The following ADH4 variants were observed in gnomAD, a reference collection of about 807,000 sequenced individuals.
ADH4 encodes all-trans-retinol dehydrogenase [NAD(+)] ADH4.
In ADH4, 31 loss-of-function variants were observed where a neutral mutation model predicts 35.2. The observed-to-expected ratio is 0.88, with a 90% confidence interval of 0.66 to 1.19. The LOEUF (loss-of-function observed/expected upper bound fraction) is 1.19. Ranked by LOEUF, ADH4 falls within the 50% of genes most tolerant of loss-of-function variation. ADH4 has a pLI of 0.00. For synonymous variants in ADH4, 171 were observed against 160.2 expected (o/e 1.07, Z -0.51); for missense variants, 476 against 458.3 (o/e 1.04, Z -0.35).
Position 99,131,637 on chromosome 4 carries a change from T to A in ADH4, c.710A>T (p.Lys237Met). ...GTCAGTGGCTCCCAGGGCTTTAGCC[T>A]TCACAAACTTCTCACTGTTGATGTC... ...GIDINSEKFV[K>M]AKALGATDCL... is the part of the protein sequence containing the mutation. Residue 237 changes from lysine (K) to methionine (M), a missense_variant, in exon 6 of 9, where the codon AAG becomes ATG. Physicochemically the swap from Lys to Met is moderately conservative, Grantham distance 95. Coordinates refer to ENST00000265512, the MANE Select transcript of ADH4 (RefSeq NM_000670.5). 2 of 1,614,150 alleles carry A rather than the reference T, an allele frequency of 1.2e-6. No individual in the cohort carries two copies. The highest frequency in any genetic ancestry group is 1.7e-6 in the Non-Finnish European group (2 of 1,180,012).
rs1729669104 is a variant in ADH4 at position 99,142,736 on chromosome 4, G to C, written c.63C>G (p.Pro21=). Residue 21 remains proline, a synonymous_variant, in exon 2 of 9, where the codon CCC becomes CCG. Transcript: ENST00000265512. ...CTACTTCAACCTCTTCAATGCAAAG[G>C]GGCTTGCCTGCTTCCCAGGCGATGG... ...KAAIAWEAGK[P]LCIEEVEVAP... The C allele has an allele frequency of 6.2e-7, 1 of 1,605,666 alleles. No individual in the cohort carries two copies. The highest frequency in any genetic ancestry group is 1.3e-5 in the African/African-American group (1 of 74,396).
chr4:99,124,529 A>G (rs994773349), intron 8 of ADH4, 63 bp from the exon 9 acceptor site: 1 of 1,121,262 alleles, frequency 8.9e-7, no homozygotes, highest in Non-Finnish European at 1.3e-6. Context: ...CAAAGCTCAC[A>G]AATAAGTTTT....
rs1051765308 is a variant in ADH4 at position 99,124,169 on chromosome 4, C to T, written c.*273G>A. On this transcript the variant is annotated 3_prime_UTR_variant, in exon 9 of 9. Transcript: ENST00000265512. ...TTTTATTTATTATCTCTTCATTCCC[C>T]ACTTTCAACTTCCCAGAACTAATTT... 6 of 319,478 alleles carry T rather than the reference C, an allele frequency of 1.9e-5. No individual in the cohort carries two copies. The highest frequency in any genetic ancestry group is 5.2e-5 in the Admixed American group (1 of 19,192). The allele number at this position is 319,478 out of a possible 1,614,324, so 19.8% of individuals were successfully genotyped here.
chr4:99,143,113 G>T, intron 1 of ADH4: 2 of 700,566 alleles, frequency 2.9e-6, no homozygotes, highest in Non-Finnish European at 5.2e-6. Context: ...GAATAAGGTA[G>T]ATGGCCTATA....
At chr4:99,124,698 C>T (rs1333729919) in intron 8 of ADH4, among the ~76,000 whole-genome samples, 1 of 152,118 alleles carries the variant, frequency 6.6e-6, no homozygotes, top group Non-Finnish European at 1.5e-5. Context: ...TCACCTTAGG[C>T]AGCGTCCTTG....
chr4:99,124,462 G>T lies in ADH4; in HGVS notation c.1123C>A (p.Arg375=). ...CATCTTCAAAAGATGAGGATTGTTC[G>T]GACGCTGTTAATAACAATAAAACAT... ...FDLMNQGKSV[R]TILIF Residue 375 remains arginine, a synonymous_variant, in exon 9 of 9, where the codon CGA becomes AGA. Coordinates refer to ENST00000265512, the MANE Select transcript of ADH4 (RefSeq NM_000670.5). 1 of 1,483,000 alleles carries T rather than the reference G, an allele frequency of 6.7e-7. No homozygotes were observed. Among genetic ancestry groups the T allele is most frequent in the Non-Finnish European group, 9.3e-7 (1 of 1,073,984 alleles). The allele number at this position is 1,483,000 out of a possible 1,614,324, so 91.9% of individuals were successfully genotyped here. A position where few individuals can be genotyped will look rare whatever the true frequency, so the allele number is the denominator to read the frequency against.
At chr4:99,124,933 G>T (rs1036125666) in intron 8 of ADH4, among the ~76,000 whole-genome samples, 4 of 152,120 alleles carry the variant, frequency 2.6e-5, no homozygotes, top group Non-Finnish European at 5.9e-5. Flanking sequence ...AGGGGGATAA[G>T]CCTCAAGGAC....
rs544635038 is a variant in ADH4 at position 99,137,953 on chromosome 4, T to C, written c.350+1108A>G. ...TCTTTTTCCCCTTGCAATTTATTTG[T>C]TGAAGAAATTGAATCATTTGTCCTA... On this transcript the variant is annotated intron_variant, in intron 4 of 8. Coordinates refer to ENST00000265512, the MANE Select transcript of ADH4 (RefSeq NM_000670.5). 7.5e-4 allele frequency among the ~76,000 whole-genome samples: 115 copies of C among 152,346 alleles called. 2 individuals are homozygous for C. The highest frequency in any genetic ancestry group is 2.6e-3 in the African/African-American group (108 of 41,578).
At chr4:99,143,215 TCG>T in intron 1 of ADH4, 1 of 702,100 alleles carries the variant, frequency 1.4e-6, no homozygotes, top group South Asian at 1.5e-5. Flanking sequence ...TCTCTGCAAC[TCG>T]AAGTGTGGTC....
intron 8 of ADH4, among the ~76,000 whole-genome samples, chr4:99,126,135 G>T (rs575074763): frequency 6.6e-6 from 1 of 152,306 alleles, no homozygotes; most frequent in South Asian, 2.1e-4. Context: ...CAAAGCAAGA[G>T]AATGAGACAG....
At chr4:99,128,086 A>C (rs1343612136) in intron 6 of ADH4, among the ~76,000 whole-genome samples, 1 of 152,070 alleles carries the variant, frequency 6.6e-6, no homozygotes, top group Non-Finnish European at 1.5e-5. Context: ...TCAGCAAAAT[A>C]CCTATGTGTT....
chr4:99,125,623 T>G (rs1729063617), intron 8 of ADH4, among the ~76,000 whole-genome samples: 2 of 152,210 alleles, frequency 1.3e-5, no homozygotes, highest in Admixed American at 6.5e-5. Flanking sequence ...TTACATGGTG[T>G]AGCTTAAAAA....
In ADH4 at chr4:99,139,091, C is replaced by T. The variant is rs1232910964; in HGVS notation, c.320G>A (p.Ser107Asn). Reference sequence around the variant, plus strand: ...TTTCCCACACAAATTTGTGAGTGGACTCAGACAAAACTTGCATTTTCTACA... The same window carrying T: ...TTTCCCACACAAATTTGTGAGTGGATTCAGACAAAACTTGCATTTTCTACA... ...PLCRKCKFCL[S>N]PLTNLCGKIS... The change falls in exon 4 of 9, where the codon AGT becomes AAT. Residue 107 changes from serine (S) to asparagine (N), a missense_variant. Transcript: ENST00000265512. The T allele has an allele frequency of 6.2e-7, 1 of 1,613,160 alleles. No individual in the cohort carries two copies. The highest frequency in any genetic ancestry group is 8.5e-7 in the Non-Finnish European group (1 of 1,179,606).
At chr4:99,143,062 G>T in intron 1 of ADH4, 1 of 683,384 alleles carries the variant, frequency 1.5e-6, no homozygotes, top group Non-Finnish European at 2.7e-6. Context: ...AATGTCTCAA[G>T]TTTTTCCCTC....
chr4:99,143,374 A>T (rs1729698927), intron 1 of ADH4: 2 of 524,058 alleles, frequency 3.8e-6, no homozygotes, highest in Non-Finnish European at 6.9e-6. Context: ...TCATTATTAA[A>T]TTTATCTGTA....
chr4:99,133,620 A>T (rs1729351641), intron 5 of ADH4: 1 of 138,196 alleles, frequency 7.2e-6, no homozygotes, highest in South Asian at 2.5e-4. Context: ...TAACAGTGGG[A>T]AGAACAACTC....
rs780191177 is a variant in ADH4 at position 99,126,677 on chromosome 4, TTTCTTA to T, written c.1029_1034del (p.Asn343_Lys344del). On this transcript the variant is annotated inframe_deletion, in exon 8 of 9. Transcript: ENST00000265512. ...GGGTCACCAGTGCATCCAGATTGAA[TTTCTTA>T]TTCTTATAGTCAGTGACCAGCTTTG... 3.1e-6 allele frequency: 5 copies of T among 1,612,032 alleles called. No individual in the cohort carries two copies. In the Admixed American group the frequency reaches 5.0e-5, roughly 16 times the overall value.
At chr4:99,129,587 A>G (rs1387652054) in intron 6 of ADH4, among the ~76,000 whole-genome samples, 1 of 152,190 alleles carries the variant, frequency 6.6e-6, no homozygotes, top group East Asian at 1.9e-4. Flanking sequence ...TCTCAAAATC[A>G]TATGTCAGTT....
In ADH4 at chr4:99,124,361, T is replaced by C; in HGVS notation, c.*81A>G. The C allele has an allele frequency of 2.0e-6, 2 of 993,476 alleles. No homozygotes were observed. The highest frequency in any genetic ancestry group is 3.1e-6 in the Non-Finnish European group (2 of 649,198). The allele number at this position is 993,476 out of a possible 1,614,324, so 61.5% of individuals were successfully genotyped here. On this transcript the variant is annotated 3_prime_UTR_variant, in exon 9 of 9. Transcript: ENST00000265512. ...TATTTGTTTAAACTCATGGCTTTCC[T>C]TGGTTCATCAAATCAGGTAATAAAT...
Sources: allele counts gnomAD v4.1 joint callset (sites outside exome capture counted in the v4.1 genomes callset), GRCh38; gene constraint gnomAD v4.1.1; transcripts MANE v1.5; gene names NCBI Gene and HGNC (gene_info 2026-07-23, HGNC 2026-07-21).